Variants in RICTOR observed in about 807,000 individuals in gnomAD.
RICTOR encodes the protein rapamycin-insensitive companion of mTOR.
A neutral mutation model predicts 214.9 loss-of-function variants in RICTOR; 49 were observed. That is an observed-to-expected ratio of 0.23 (90% CI 0.18 to 0.29). The LOEUF is 0.29. Among genes scored for constraint, RICTOR ranks in the 10% least tolerant of loss-of-function variants. The pLI is 1.00. For synonymous variants in RICTOR, 717 were observed against 711.3 expected (o/e 1.01, Z -0.13); for missense variants, 1,625 against 2,047.0 (o/e 0.79, Z 3.98).
At chr5:39,018,160 T>G (rs970146222) in intron 3 of RICTOR, among the ~76,000 whole-genome samples, 2 of 152,110 alleles carry the variant, frequency 1.3e-5, no homozygotes, top group African/African-American at 2.4e-5. Flanking sequence ...ATTACAAGGC[T>G]GAGAAACATA....
chr5:39,023,467 T>C (rs1441578598), intron 2 of RICTOR, among the ~76,000 whole-genome samples: 1 of 152,208 alleles, frequency 6.6e-6, no homozygotes, highest in Non-Finnish European at 1.5e-5. Context: ...AAACAAGCCA[T>C]GGGCCAGATA....
At chr5:38,948,280 TTATTTTG>T (rs549268933) in intron 31 of RICTOR, among the ~76,000 whole-genome samples, 34 of 152,280 alleles carry the variant, frequency 2.2e-4, no homozygotes, top group Admixed American at 2.0e-3. Flanking sequence ...AATCAAATAA[TTATTTTG>T]TAAAACACAC....
At chr5:39,048,681 C>A (rs1262677716) in intron 2 of RICTOR, among the ~76,000 whole-genome samples, 1 of 152,142 alleles carries the variant, frequency 6.6e-6, no homozygotes, top group East Asian at 1.9e-4. Flanking sequence ...AATTTTGTGT[C>A]ATATCTTTTT....
At position 38,950,559 on chromosome 5, in the gene RICTOR, G is replaced by A. The variant is rs1344643266; in HGVS notation, c.3289C>T (p.Arg1097Cys). The change falls in exon 31 of 38, where the codon CGT becomes TGT. Residue 1097 changes from arginine (R) to cysteine (C), a missense_variant. Physicochemically the swap from Arg to Cys is radical, Grantham distance 180 (BLOSUM62 -3). Transcript: ENST00000357387. ...GGCAAAGTAAGCGAATTTAAGATAC[G>A]ATTCTTCACAAGTTTACTAGAAGCA... ...FFASSKLVKN[R>C]ILNSLTLPNK... 3 of 1,613,006 alleles carry A rather than the reference G, an allele frequency of 1.9e-6. No individual in the cohort carries two copies. Among genetic ancestry groups the A allele is most frequent in the African/African-American group, 1.3e-5 (1 of 74,804 alleles).
At chr5:38,964,914 T>G in intron 15 of RICTOR, 22 bp from the exon 16 acceptor site, 1 of 1,442,920 alleles carries the variant, frequency 6.9e-7, no homozygotes, top group Non-Finnish European at 9.7e-7. Flanking sequence ...CATAACATTT[T>G]ACATGAGTTT....
intron 6 of RICTOR, among the ~76,000 whole-genome samples, chr5:38,991,466 T>C (rs1453603308): frequency 3.3e-5 from 5 of 152,112 alleles, no homozygotes; most frequent in Admixed American, 6.6e-5. Context: ...CAACTCTCCA[T>C]ATACCATCAT....
chr5:39,054,197 G>A (rs1451343886), intron 2 of RICTOR, among the ~76,000 whole-genome samples: 1 of 151,776 alleles, frequency 6.6e-6, no homozygotes, highest in East Asian at 1.9e-4. Context: ...AAAATACAAA[G>A]AACATATGAA....
chr5:38,950,012 A>G lies in RICTOR; in HGVS notation c.3836T>C (p.Leu1279Pro), dbSNP rs781156260. 6.2e-7 allele frequency: 1 copy of G among 1,613,552 alleles called. No individual in the cohort carries two copies. The highest frequency in any genetic ancestry group is 1.1e-5 in the South Asian group (1 of 91,076). The change falls in exon 31 of 38, where the codon CTC becomes CCC. Residue 1279 changes from leucine (L) to proline (P), a missense_variant. Physicochemically the swap from Leu to Pro is moderately conservative, Grantham distance 98. Coordinates refer to ENST00000357387, the MANE Select transcript of RICTOR (RefSeq NM_152756.5). ...CAGGGACACCGAATTTGATTTGGAG[A>G]GAGACAGATGGTTAGACTGTGGCGT... ...YLTPQSNHLS[L>P]SKSNSVSLVP...
At chr5:38,943,389 A>G (rs1000489836) in intron 36 of RICTOR, 13 of 162,030 alleles carry the variant, frequency 8.0e-5, no homozygotes, top group Admixed American at 2.4e-4. Context: ...CTAGGAAAGC[A>G]CCTCAGAATC....
chr5:39,007,008 A>G lies in RICTOR; in HGVS notation c.196-3386T>C, dbSNP rs1416552079. ...TAAGAGAATGCGTTTTTATACATAC[A>G]TATTTAAAATAACATAAAATTTTCT... On this transcript the variant is annotated intron_variant, in intron 3 of 37. Transcript: ENST00000357387. 6.6e-5 allele frequency among the ~76,000 whole-genome samples: 10 copies of G among 152,320 alleles called. No individual in the cohort carries two copies. The East Asian group carries it at 1.5e-3, about 23-fold the overall frequency.
At chr5:38,978,684 T>C (rs1162147788) in intron 8 of RICTOR, 34 bp from the exon 9 acceptor site, 7 of 1,027,094 alleles carry the variant, frequency 6.8e-6, no homozygotes, top group Non-Finnish European at 1.0e-5. Context: ...AAAGAGTCTT[T>C]ATTTTAAAAT....
intron 15 of RICTOR, among the ~76,000 whole-genome samples, chr5:38,965,738 A>C (rs1271731469): frequency 2.6e-5 from 4 of 152,214 alleles, no homozygotes; most frequent in African/African-American, 9.6e-5. Flanking sequence ...AAGTTAAATT[A>C]AATTCTGCTT....
chr5:39,041,230 T>C (rs949818104), intron 2 of RICTOR, among the ~76,000 whole-genome samples: 2 of 152,188 alleles, frequency 1.3e-5, no homozygotes, highest in African/African-American at 4.8e-5. Context: ...TGAAGAGCAA[T>C]ATGTACATTA....
chr5:39,006,848 G>C (rs2150113542), intron 3 of RICTOR, among the ~76,000 whole-genome samples: 1 of 151,902 alleles, frequency 6.6e-6, no homozygotes, highest in African/African-American at 2.4e-5. Flanking sequence ...ATCAGATATT[G>C]CAACACTGCT....
In RICTOR at chr5:38,941,710, C is replaced by T. The variant is rs528049466; in HGVS notation, c.*594G>A. ...TAACATAAAAATAACTTATAAGTCC[C>T]GGGTTGTTGAGGCTCTTCTTCTGCT... On this transcript the variant is annotated 3_prime_UTR_variant, in exon 38 of 38. Coordinates refer to ENST00000357387, the MANE Select transcript of RICTOR (RefSeq NM_152756.5). 316 of 232,028 alleles carry T rather than the reference C, an allele frequency of 1.4e-3. No homozygotes were observed. The highest frequency in any genetic ancestry group is 5.3e-3 in the African/African-American group (239 of 45,318). 14.4% of individuals were successfully genotyped at this position (232,028 alleles called of 1,614,324 possible). A position where few individuals can be genotyped will look rare whatever the true frequency, so the allele number is the denominator to read the frequency against.
intron 2 of RICTOR, among the ~76,000 whole-genome samples, chr5:39,041,040 T>C (rs954236579): frequency 6.6e-6 from 1 of 152,238 alleles, no homozygotes; most frequent in African/African-American, 2.4e-5. Context: ...GAAACCTGTC[T>C]GTCTGTTTAC....
In RICTOR at chr5:38,958,431, C is replaced by T. The variant is rs1331422863; in HGVS notation, c.2420+12G>A. Reference sequence around the variant, plus strand: ...ACAAAAAAACATAACAGAAAATTTACTTAAAATTTACCTCAGCAGGAGAAG... The same window carrying T: ...ACAAAAAAACATAACAGAAAATTTATTTAAAATTTACCTCAGCAGGAGAAG... On this transcript the variant is annotated intron_variant, in intron 24 of 37. Coordinates refer to ENST00000357387, the MANE Select transcript of RICTOR (RefSeq NM_152756.5). 1 of 1,566,390 alleles carries T rather than the reference C, an allele frequency of 6.4e-7. No homozygotes were observed. The highest frequency in any genetic ancestry group is 8.8e-7 in the Non-Finnish European group (1 of 1,136,934).
intron 2 of RICTOR, among the ~76,000 whole-genome samples, chr5:39,059,514 T>C (rs928024579): frequency 2.0e-5 from 3 of 152,156 alleles, no homozygotes; most frequent in Non-Finnish European, 4.4e-5. Flanking sequence ...ATCTATGCTA[T>C]CTTTCAATAA....
chr5:38,952,899 C>CA, intron 29 of RICTOR, 86 bp downstream of exon 29: 1 of 741,008 alleles, frequency 1.3e-6, no homozygotes, highest in Non-Finnish European at 2.4e-6. Flanking sequence ...TTATGCATTG[C>CA]ACTTAATCAT....
Sources: allele counts gnomAD v4.1 joint callset (sites outside exome capture counted in the v4.1 genomes callset), GRCh38; gene constraint gnomAD v4.1.1; transcripts MANE v1.5; gene names NCBI Gene and HGNC (gene_info 2026-07-23, HGNC 2026-07-21).